Variants in KIF11 observed in about 807,000 individuals in gnomAD.
KIF11 encodes kinesin-like protein KIF11.
A neutral mutation model predicts 121.0 loss-of-function variants in KIF11; 9 were observed. The observed-to-expected ratio is 0.07, with a 90% CI of 0.04 to 0.13. The LOEUF is 0.13. Ranked by LOEUF, KIF11 falls within the 10% of genes least tolerant of loss-of-function variation. The probability of loss-of-function intolerance (pLI) is 1.00; values close to 1 mark genes in which losing one functional copy is unlikely to be tolerated. For synonymous variants in KIF11, 408 were observed against 421.0 expected, an observed-to-expected ratio of 0.97 and a Z score of 0.38; for missense variants, 846 against 1,217.5, an observed-to-expected ratio of 0.69 and a Z score of 4.54.
At chr10:92,614,377 G>A (rs377690657) in intron 8 of KIF11, among the ~76,000 whole-genome samples, 15 of 152,188 alleles carry the variant, frequency 9.9e-5, no homozygotes, top group East Asian at 3.9e-4. Context: ...GATTACACGC[G>A]TGTGCCACTA....
chr10:92,653,227 T>C (rs919380238), intron 21 of KIF11, among the ~76,000 whole-genome samples: 7 of 152,206 alleles, frequency 4.6e-5, no homozygotes, highest in African/African-American at 1.7e-4. Flanking sequence ...TTCTTTGTTG[T>C]GATGGGCTTT....
At chr10:92,615,879 G>T (rs1322583837) in intron 8 of KIF11, among the ~76,000 whole-genome samples, 14 of 135,250 alleles carry the variant, frequency 1.0e-4, no homozygotes, top group Admixed American at 8.1e-4. Context: ...TCGCTCTGTT[G>T]CCTAGGCTGG....
intron 16 of KIF11, among the ~76,000 whole-genome samples, chr10:92,638,219 A>T (rs1359626197): frequency 6.6e-6 from 1 of 152,240 alleles, no homozygotes; most frequent in African/African-American, 2.4e-5. Flanking sequence ...AATAGTTAAC[A>T]TTTATTGAGC....
chr10:92,632,015 A>G (rs1296150671), intron 12 of KIF11, among the ~76,000 whole-genome samples: 1 of 152,154 alleles, frequency 6.6e-6, no homozygotes, highest in African/African-American at 2.4e-5. Context: ...CATAGAAGGA[A>G]AAAAATTTCT....
chr10:92,615,871 G>T (rs1400633186), intron 8 of KIF11, among the ~76,000 whole-genome samples: 1 of 143,404 alleles, frequency 7.0e-6, no homozygotes, highest in Admixed American at 7.2e-5. Flanking sequence ...ATGGAGTCTC[G>T]CTCTGTTGCC....
intron 14 of KIF11, 72 bp from the exon 15 acceptor site, chr10:92,637,112 A>T: frequency 8.8e-7 from 1 of 1,140,992 alleles, no homozygotes; most frequent in African/African-American, 1.6e-5. Context: ...AGTATTTAAG[A>T]TATCATTTAG....
At chr10:92,627,843 G>C (rs1844696533) in intron 10 of KIF11, among the ~76,000 whole-genome samples, 1 of 152,084 alleles carries the variant, frequency 6.6e-6, no homozygotes, top group South Asian at 2.1e-4. Context: ...GATTTGCCCA[G>C]TTTGCTTGGA....
chr10:92,633,065 T>G (rs1220748319), intron 13 of KIF11, among the ~76,000 whole-genome samples: 1 of 145,782 alleles, frequency 6.9e-6, no homozygotes, highest in Non-Finnish European at 1.5e-5. Context: ...TTCTGCAACT[T>G]TTTTTGGGGG....
At chr10:92,609,289 AGAGAGAGAGAGAGAGTGT>A (rs1356725100) in intron 5 of KIF11, 78 bp from the exon 6 acceptor site, 266 of 1,348,936 alleles carry the variant, frequency 2.0e-4, no homozygotes, top group African/African-American at 6.6e-4. Flanking sequence ...AGAGAGAGAG[AGAGAGAGAGAGAGAGTGT>A]GTGTGTGTGT....
chr10:92,648,202 T>C lies in KIF11; in HGVS notation c.2548-10T>C. 6.6e-7 allele frequency: 1 copy of C among 1,521,190 alleles called. No individual in the cohort carries two copies. Among genetic ancestry groups the C allele is most frequent in the African/African-American group, 1.4e-5 (1 of 70,912 alleles). 94.2% of individuals were successfully genotyped at this position (1,521,190 alleles called of 1,614,324 possible). A position where few individuals can be genotyped will look rare whatever the true frequency, so the allele number is the denominator to read the frequency against. ...TTTTAGTAATAAATATTTATTTGCATCATTTACAGGTTGTAAGCCAATGTT... is the reference window on the plus strand; with the variant it reads ...TTTTAGTAATAAATATTTATTTGCACCATTTACAGGTTGTAAGCCAATGTT... On this transcript the variant is annotated splice_polypyrimidine_tract_variant and intron_variant, in intron 18 of 21. Coordinates refer to ENST00000260731, the MANE Select transcript of KIF11 (RefSeq NM_004523.4).
intron 10 of KIF11, among the ~76,000 whole-genome samples, chr10:92,624,622 G>T (rs1290454533): frequency 1.3e-5 from 2 of 152,146 alleles, no homozygotes; most frequent in African/African-American, 4.8e-5. Flanking sequence ...TGGATGGATA[G>T]CTAGGTTGAT....
chr10:92,629,288 G>C (rs768285712), intron 11 of KIF11, among the ~76,000 whole-genome samples: 1 of 150,090 alleles, frequency 6.7e-6, no homozygotes, highest in African/African-American at 2.5e-5. Flanking sequence ...AGCTCCTTCA[G>C]ATTTTTTTGG....
chr10:92,614,909 C>T (rs1844537285), intron 8 of KIF11, among the ~76,000 whole-genome samples: 1 of 152,122 alleles, frequency 6.6e-6, no homozygotes, highest in South Asian at 2.1e-4. Context: ...ACAGCCTCCT[C>T]CTGAGTAGCT....
At chr10:92,595,181 T>G (rs1564700748) in intron 1 of KIF11, among the ~76,000 whole-genome samples, 1 of 152,198 alleles carries the variant, frequency 6.6e-6, no homozygotes, top group Non-Finnish European at 1.5e-5. Context: ...CACTTCAGCC[T>G]CTCAGGTAGC....
chr10:92,616,957 G>T (rs1412560258), intron 9 of KIF11, 125 bp downstream of exon 9: 8 of 534,682 alleles, frequency 1.5e-5, no homozygotes, highest in Non-Finnish European at 2.3e-5. Context: ...TTTATATAGT[G>T]ATTTAAACTA....
chr10:92,622,684 G>A (rs1248964224), intron 10 of KIF11, among the ~76,000 whole-genome samples: 6 of 152,022 alleles, frequency 3.9e-5, no homozygotes, highest in Non-Finnish European at 8.8e-5. Flanking sequence ...TCAAAGCTGG[G>A]AAGTTGACCT....
rs66987236 is a variant in KIF11, at chr10:92,637,032, CA to C, written c.1876-131del. ...TGGGTGACAGAATGAGACTCCGTCT[CA>C]AAAAAAAAAAAAAAAAAAAAGAATG... On this transcript the variant is annotated intron_variant, in intron 14 of 21. Coordinates refer to ENST00000260731, the MANE Select transcript of KIF11 (RefSeq NM_004523.4). 0.27 allele frequency: 100,802 copies of C among 372,634 alleles called. 1,516 individuals carry two copies. The highest frequency in any genetic ancestry group is 0.3 in the Admixed American group (4,503 of 15,092). 23.1% of individuals were successfully genotyped at this position (372,634 alleles called of 1,614,324 possible). A position where few individuals can be genotyped will look rare whatever the true frequency, so the allele number is the denominator to read the frequency against.
intron 1 of KIF11, among the ~76,000 whole-genome samples, chr10:92,594,725 C>T (rs987633801): frequency 1.3e-5 from 2 of 152,170 alleles, no homozygotes; most frequent in African/African-American, 2.4e-5. Context: ...CATCCCTTTT[C>T]CTCCAGCCAC....
chr10:92,603,452 A>T (rs1844397372), intron 1 of KIF11, among the ~76,000 whole-genome samples: 1 of 149,742 alleles, frequency 6.7e-6, no homozygotes, highest in African/African-American at 2.5e-5. Flanking sequence ...CCCAGGCTGG[A>T]GTGTAGTGGC....
Sources: allele counts gnomAD v4.1 joint callset (sites outside exome capture counted in the v4.1 genomes callset), GRCh38; gene constraint gnomAD v4.1.1; transcripts MANE v1.5; gene names NCBI Gene and HGNC (gene_info 2026-07-23, HGNC 2026-07-21).